USP24: variants seen among roughly 807,000 people sequenced by gnomAD.
USP24 encodes the protein ubiquitin specific peptidase 24, also known as ubiquitin carboxyl-terminal hydrolase 24.
A neutral mutation model predicts 361.6 loss-of-function variants in USP24; 97 were observed. The observed-to-expected ratio is 0.27, with a 90% CI of 0.23 to 0.32. The LOEUF (loss-of-function observed/expected upper bound fraction) is 0.32, where lower values mean the gene tolerates loss of function less well. USP24 is among the 10% of genes least tolerant of loss of function. The pLI, the probability that USP24 is intolerant of heterozygous loss-of-function variation, is 1.00. For synonymous variants in USP24, 1,098 were observed against 1,124.6 expected, an observed-to-expected ratio of 0.98 and a Z score of 0.47; for missense variants, 2,353 against 3,165.6, an observed-to-expected ratio of 0.74 and a Z score of 6.16.
intron 1 of USP24, among the ~76,000 whole-genome samples, chr1:55,183,990 T>C (rs66715571): frequency 0.16 from 24,897 of 151,930 alleles, 2,150 homozygotes; most frequent in Non-Finnish European, 0.19. Context: ...TACAATAACA[T>C]TGGGGGGGAA....
At chr1:55,081,698 G>C (rs1449255979) in intron 58 of USP24, among the ~76,000 whole-genome samples, 1 of 152,182 alleles carries the variant, frequency 6.6e-6, no homozygotes. Context: ...TGAGGCTGGA[G>C]ATCTGCAGGT....
intron 1 of USP24, among the ~76,000 whole-genome samples, chr1:55,212,769 A>G (rs748067300): frequency 6.6e-6 from 1 of 152,188 alleles, no homozygotes; most frequent in Non-Finnish European, 1.5e-5. Context: ...GCTCCTCTTG[A>G]ACTCTTAAAA....
intron 39 of USP24, among the ~76,000 whole-genome samples, chr1:55,109,146 G>A (rs1172191436): frequency 3.3e-5 from 5 of 152,094 alleles, no homozygotes; most frequent in South Asian, 4.1e-4. Context: ...GTGCCACCAC[G>A]CCCGGCTGAT....
chr1:55,071,481 T>C, intron 67 of USP24: 1 of 1,056,360 alleles, frequency 9.5e-7, no homozygotes, highest in Non-Finnish European at 1.1e-6. Context: ...AACGAGGGAC[T>C]TTCAGTAACC....
rs1034100596 is a variant in USP24 at position 55,128,528 on chromosome 1, C to T, written c.3635+949G>A. 7.9e-5 allele frequency among the ~76,000 whole-genome samples: 12 copies of T among 152,112 alleles called. No homozygotes were observed. In the East Asian group the frequency reaches 2.1e-3, roughly 27 times the overall value. On this transcript the variant is annotated intron_variant, in intron 32 of 67. Transcript: ENST00000294383. ...CTTCCTTCCATTCCAGCTTGGAGTG[C>T]CCCTTCCCTCCTTATTTACCTAGAG...
chr1:55,160,323 G>A (rs1028841812), intron 8 of USP24, among the ~76,000 whole-genome samples: 1 of 152,238 alleles, frequency 6.6e-6, no homozygotes, highest in African/African-American at 2.4e-5. Context: ...AATGACATCA[G>A]GCAGTTATCC....
intron 1 of USP24, among the ~76,000 whole-genome samples, chr1:55,199,309 C>CA (rs898461938): frequency 2.0e-3 from 291 of 144,370 alleles, no homozygotes; most frequent in African/African-American, 6.5e-3. Context: ...AAAAACAAAA[C>CA]AAAAAAAAAA....
chr1:55,090,523 T>G (rs1301816177), intron 54 of USP24, among the ~76,000 whole-genome samples: 1 of 152,202 alleles, frequency 6.6e-6, no homozygotes, highest in Non-Finnish European at 1.5e-5. Context: ...CACTATATAT[T>G]TTTTCTGAAG....
At chr1:55,087,259 T>C (rs1194607480) in intron 55 of USP24, among the ~76,000 whole-genome samples, 1 of 152,178 alleles carries the variant, frequency 6.6e-6, no homozygotes, top group Non-Finnish European at 1.5e-5. Flanking sequence ...TTGGTCTTTA[T>C]AAAGAAAGAA....
chr1:55,209,634 G>C (rs968709965), intron 1 of USP24, among the ~76,000 whole-genome samples: 2 of 152,056 alleles, frequency 1.3e-5, no homozygotes, highest in Non-Finnish European at 2.9e-5. Flanking sequence ...TGTATTTTTT[G>C]TTAAGTTTAA....
At chr1:55,079,791 ACTGAGTACTCACACACT>A (rs1433143072) in intron 59 of USP24, 132 bp from the exon 60 acceptor site, 1 of 1,068,306 alleles carries the variant, frequency 9.4e-7, no homozygotes, top group African/African-American at 2.1e-5. Flanking sequence ...GTACTCACAC[ACTGAGTACTCACACACT>A]GAGTACTCGC....
At chr1:55,069,197 A>T in intron 67 of USP24, 90 bp from the exon 68 acceptor site, 3 of 1,287,610 alleles carry the variant, frequency 2.3e-6, no homozygotes, top group Non-Finnish European at 3.4e-6. Flanking sequence ...ACATGTCTTC[A>T]TCTGGCAACT....
chr1:55,112,947 C>T (rs1454998526), intron 38 of USP24, among the ~76,000 whole-genome samples: 1 of 152,092 alleles, frequency 6.6e-6, no homozygotes, highest in African/African-American at 2.4e-5. Flanking sequence ...TCTGGGTGCT[C>T]CTGTATTTGG....
chr1:55,176,255 A>G, intron 3 of USP24, 121 bp downstream of exon 3: 1 of 709,586 alleles, frequency 1.4e-6, no homozygotes, highest in Non-Finnish European at 2.2e-6. Flanking sequence ...TCCTCAGTTA[A>G]ACAAGATTCA....
chr1:55,111,312 A>G (rs1645943813), intron 38 of USP24, among the ~76,000 whole-genome samples: 1 of 152,104 alleles, frequency 6.6e-6, no homozygotes, highest in Non-Finnish European at 1.5e-5. Context: ...TATTTTTAAG[A>G]GATTCTTTAA....
intron 31 of USP24, 100 bp downstream of exon 31, chr1:55,132,445 T>G (rs555414839): frequency 9.0e-5 from 124 of 1,379,574 alleles, no homozygotes; most frequent in Non-Finnish European, 1.1e-4. Context: ...AATCATCACA[T>G]AACAGAAACC....
At chr1:55,110,303 AT>A in intron 38 of USP24, 57 bp from the exon 39 acceptor site, 2 of 1,400,586 alleles carry the variant, frequency 1.4e-6, no homozygotes, top group Admixed American at 2.8e-5. Context: ...AATAAAAAGC[AT>A]TTTCCTTGTA....
Position 55,086,120 on chromosome 1 carries a change from A to C in USP24, c.6669-82T>G. 3 of 1,356,266 alleles carry C rather than the reference A, an allele frequency of 2.2e-6. 1 individual carries two copies. In the South Asian group the frequency reaches 3.5e-5, roughly 16 times the overall value. 84.0% of individuals were successfully genotyped at this position (1,356,266 alleles called of 1,614,324 possible). ...CTTCCCATGATAGGTCCCATCTAATAGCCAAGAAACAAAAGTAGAGTCTCC... is the reference window on the plus strand; with the variant it reads ...CTTCCCATGATAGGTCCCATCTAATCGCCAAGAAACAAAAGTAGAGTCTCC... On this transcript the variant is annotated intron_variant, in intron 55 of 67. Transcript: ENST00000294383.
chr1:55,147,996 A>C lies in USP24; in HGVS notation c.1969-198T>G, dbSNP rs569352141. Among the ~76,000 whole-genome samples, 40 of 152,254 alleles carry C rather than the reference A, an allele frequency of 2.6e-4. 1 individual carries two copies. The South Asian group carries it at 8.1e-3, about 31-fold the overall frequency. Reference sequence around the variant, plus strand: ...TTACTAGAAAATTAATAAACTACTAATGTTTTCCATCTAAAAATATTCATT... The same window carrying C: ...TTACTAGAAAATTAATAAACTACTACTGTTTTCCATCTAAAAATATTCATT... On this transcript the variant is annotated intron_variant, in intron 17 of 67. Transcript: ENST00000294383.
Sources: allele counts gnomAD v4.1 joint callset (sites outside exome capture counted in the v4.1 genomes callset), GRCh38; gene constraint gnomAD v4.1.1; transcripts MANE v1.5; gene names NCBI Gene and HGNC (gene_info 2026-07-23, HGNC 2026-07-21).